The following CLEC4D variants were observed in gnomAD, a reference collection of about 807,000 sequenced individuals.
The protein encoded by CLEC4D is C-type lectin domain family 4 member D.
CLEC4D carries 21 observed loss-of-function variants against 21.1 expected under a neutral mutation model. The observed-to-expected ratio is 1.00, with a 90% CI of 0.71 to 1.43. CLEC4D has a LOEUF of 1.43. Ranked by LOEUF, CLEC4D falls within the 40% of genes most tolerant of loss-of-function variation. CLEC4D has a pLI of 0.00. For synonymous variants in CLEC4D, 85 were observed against 83.1 expected (o/e 1.02, Z -0.12); for missense variants, 289 against 260.7 (o/e 1.11, Z -0.75).
chr12:8,519,218 G>A, intron 4 of CLEC4D, 58 bp downstream of exon 4: 2 of 1,579,104 alleles, frequency 1.3e-6, no homozygotes, highest in East Asian at 2.3e-5. Flanking sequence ...TCCAGAAAAA[G>A]AGGAATTTCT....
intron 2 of CLEC4D, among the ~76,000 whole-genome samples, chr12:8,516,848 A>G (rs1285321719): frequency 6.6e-6 from 1 of 152,258 alleles, no homozygotes; most frequent in East Asian, 1.9e-4. Flanking sequence ...CAAGGCACAC[A>G]TCTAATAGGA....
chr12:8,524,865 T>G (rs1940495210), downstream of CLEC4D, among the ~76,000 whole-genome samples: 1 of 152,224 alleles, frequency 6.6e-6, no homozygotes, highest in African/African-American at 2.4e-5. Context: ...TTAATACTGC[T>G]TTAGCTGTGT....
At chr12:8,522,924 G>C (rs1314564203), downstream of CLEC4D, among the ~76,000 whole-genome samples, 2 of 152,202 alleles carry the variant, frequency 1.3e-5, no homozygotes, top group African/African-American at 4.8e-5. Flanking sequence ...TGGCTAGCCA[G>C]TTTTCCCAGA....
chr12:8,529,323 T>TA, the CLEC4D span, among the ~76,000 whole-genome samples: 959 of 152,112 alleles, frequency 6.3e-3, 30 homozygotes, highest in East Asian at 0.078. Flanking sequence ...TAGATAAATA[T>TA]AAAAAAATGG....
At chr12:8,530,486 G>A in the CLEC4D span, among the ~76,000 whole-genome samples, 1 of 144,772 alleles carries the variant, frequency 6.9e-6, no homozygotes, top group East Asian at 2.0e-4. Flanking sequence ...GCCCGAAGAA[G>A]TGAAATTAAT....
chr12:8,519,123 G>C lies in CLEC4D; in HGVS notation c.347G>C (p.Gly116Ala). 1 of 1,614,042 alleles carries C rather than the reference G, an allele frequency of 6.2e-7. No homozygotes were observed. Among genetic ancestry groups the C allele is most frequent in the Non-Finnish European group, 8.5e-7 (1 of 1,179,978 alleles). The change falls in exon 4 of 6, where the codon GGG (glycine) becomes GCG (alanine). Residue 116 changes from glycine to alanine, a missense_variant. Physicochemically the swap from Gly to Ala is moderately conservative, Grantham distance 60. Transcript: ENST00000299665. ...AESERNCSGM[G>A]AHLMTISTEA... ...AGTGAAAGGAACTGTTCAGGGATGG[G>C]GGCCCATCTGATGACCATCAGCACG...
At chr12:8,517,136 T>C (rs1188621322) in intron 2 of CLEC4D, among the ~76,000 whole-genome samples, 2 of 152,166 alleles carry the variant, frequency 1.3e-5, no homozygotes, top group African/African-American at 2.4e-5. Flanking sequence ...TGGTTACCTA[T>C]AAAGGCGAGG....
downstream of CLEC4D, among the ~76,000 whole-genome samples, chr12:8,522,544 C>T (rs75530315): frequency 0.072 from 10,917 of 151,850 alleles, 769 homozygotes; most frequent in African/African-American, 0.18. Context: ...GTGATGGATG[C>T]GTGTAGCTGT....
chr12:8,527,288 CAGG>C, downstream of CLEC4D, among the ~76,000 whole-genome samples: 1 of 152,314 alleles, frequency 6.6e-6, no homozygotes, highest in South Asian at 2.1e-4. Context: ...TCAGAACTAC[CAGG>C]AGGAGAGGCT....
intron 5 of CLEC4D, 99 bp downstream of exon 5, chr12:8,520,440 G>A (rs1401292104): frequency 4.0e-6 from 6 of 1,486,770 alleles, no homozygotes; most frequent in Non-Finnish European, 5.4e-6. Context: ...ATATAAAAAT[G>A]TTAAGAGAGA....
chr12:8,515,853 A>T (rs1399293196), intron 2 of CLEC4D, among the ~76,000 whole-genome samples: 1 of 152,134 alleles, frequency 6.6e-6, no homozygotes, highest in Non-Finnish European at 1.5e-5. Context: ...ACCACCATTA[A>T]AAAAATTCTT....
chr12:8,520,360 C>CT lies in CLEC4D; in HGVS notation c.500+20dup. On this transcript the variant is annotated intron_variant, in intron 5 of 5. Coordinates refer to ENST00000299665, the MANE Select transcript of CLEC4D (RefSeq NM_080387.5). Reference sequence around the variant, plus strand: ...GCAGAGTGTAAGTATATTGAGTGGGCTAAGGGGATTTATAAGCAAAGGTTA... The same window carrying CT: ...GCAGAGTGTAAGTATATTGAGTGGGCTTAAGGGGATTTATAAGCAAAGGTTA... The CT allele has an allele frequency of 6.2e-7, 1 of 1,601,228 alleles. No homozygotes were observed. The highest frequency in any genetic ancestry group is 8.5e-7 in the Non-Finnish European group (1 of 1,170,898).
the CLEC4D span, among the ~76,000 whole-genome samples, chr12:8,530,908 C>T: frequency 2.6e-5 from 4 of 152,162 alleles, no homozygotes; most frequent in African/African-American, 7.2e-5. Context: ...GTAAACCGTG[C>T]GAAATTTTAA....
intron 1 of CLEC4D, 45 bp from the exon 2 acceptor site, chr12:8,515,191 T>G (rs780901374): frequency 6.5e-6 from 6 of 917,758 alleles, no homozygotes; most frequent in Non-Finnish European, 9.2e-6. Context: ...CTTTCCTAGC[T>G]TGTAGCTGAG....
the CLEC4D span, among the ~76,000 whole-genome samples, chr12:8,531,493 A>G: frequency 6.6e-6 from 1 of 152,180 alleles, no homozygotes; most frequent in African/African-American, 2.4e-5. Flanking sequence ...TTCATAATCT[A>G]TAAAGGCTGT....
rs113188651 is a variant in CLEC4D at position 8,519,898 on chromosome 12, G to A, written c.385-328G>A. Reference sequence around the variant, plus strand: ...AAATGGAATTTAATGAAATATGCACGCAATTAAAGAAGATATTAAAAACAA... The same window carrying A: ...AAATGGAATTTAATGAAATATGCACACAATTAAAGAAGATATTAAAAACAA... On this transcript the variant is annotated intron_variant, in intron 4 of 5. Coordinates refer to ENST00000299665, the MANE Select transcript of CLEC4D (RefSeq NM_080387.5). 2.3e-3 allele frequency among the ~76,000 whole-genome samples: 343 copies of A among 152,204 alleles called. 2 individuals carry two copies. The highest frequency in any genetic ancestry group is 7.5e-3 in the African/African-American group (313 of 41,530).
Position 8,519,312 on chromosome 12 carries a change from G to T in CLEC4D, c.384+152G>T, listed in dbSNP as rs765920561. The T allele has an allele frequency of 7.9e-6, 10 of 1,270,386 alleles. No homozygotes were observed. The East Asian group carries it at 2.2e-4, about 28-fold the overall frequency. 78.7% of individuals were successfully genotyped at this position (1,270,386 alleles called of 1,614,324 possible). A position where few individuals can be genotyped will look rare whatever the true frequency, so the allele number is the denominator to read the frequency against. On this transcript the variant is annotated intron_variant, in intron 4 of 5. Transcript: ENST00000299665. ...TTCCTCTTCAACTTTTTGTCATATG[G>T]CCAACTTCTTTTGGTCTTTCTATAT...
rs1218405078 is a variant in CLEC4D, at chr12:8,521,170, G to A, written c.547G>A (p.Val183Ile). ...CGACAACTCTCAGGGAGAAAACTGT[G>A]TTGTTCTTGTTTATAACCAAGATAA... The part of the protein sequence containing the change: ...EPDNSQGENC[V>I]VLVYNQDKWA... The change falls in exon 6 of 6, where the codon GTT becomes ATT. Residue 183 changes from valine to isoleucine, a missense_variant. Val to Ile is a conservative substitution (Grantham distance 29). Coordinates refer to ENST00000299665, the MANE Select transcript of CLEC4D (RefSeq NM_080387.5). 1 of 1,613,576 alleles carries A rather than the reference G, an allele frequency of 6.2e-7. No homozygotes were observed. Among genetic ancestry groups the A allele is most frequent in the Admixed American group, 1.7e-5 (1 of 59,966 alleles).
chr12:8,515,455 C>G, intron 2 of CLEC4D, 127 bp downstream of exon 2: 1 of 582,738 alleles, frequency 1.7e-6, no homozygotes, highest in East Asian at 2.8e-5. Flanking sequence ...TCTTCAGGGT[C>G]TTGCACTGAA....
Sources: allele counts gnomAD v4.1 joint callset (sites outside exome capture counted in the v4.1 genomes callset), GRCh38; gene constraint gnomAD v4.1.1; transcripts MANE v1.5; gene names NCBI Gene and HGNC (gene_info 2026-07-23, HGNC 2026-07-21).